Variants in SPIDR observed in about 807,000 individuals in gnomAD.
SPIDR encodes DNA repair-scaffolding protein.
A neutral mutation model predicts 104.6 loss-of-function variants in SPIDR; 93 were observed. The observed-to-expected ratio is 0.89, with a 90% confidence interval of 0.75 to 1.06. The LOEUF (loss-of-function observed/expected upper bound fraction) is 1.06. Among genes scored for constraint, SPIDR ranks in the 50% least tolerant of loss-of-function variants. The pLI is 0.00. For synonymous variants in SPIDR, 431 were observed against 416.9 expected, an observed-to-expected ratio of 1.03 and a Z score of -0.41; for missense variants, 1,154 against 1,111.2, an observed-to-expected ratio of 1.04 and a Z score of -0.55.
chr8:47,385,993 A>G (rs1554647993), intron 5 of SPIDR, among the ~76,000 whole-genome samples: 1 of 152,028 alleles, frequency 6.6e-6, no homozygotes, highest in Non-Finnish European at 1.5e-5. Flanking sequence ...TTAGTTCTTT[A>G]TAAAAATATT....
chr8:47,608,831 C>T (rs1345520732), intron 10 of SPIDR, among the ~76,000 whole-genome samples: 2 of 152,234 alleles, frequency 1.3e-5, no homozygotes, highest in East Asian at 3.8e-4. Context: ...CCAGGCGATT[C>T]TTCTGCCTCA....
intron 8 of SPIDR, among the ~76,000 whole-genome samples, chr8:47,469,009 G>C (rs1398291753): frequency 2.0e-5 from 3 of 152,040 alleles, no homozygotes; most frequent in Admixed American, 6.6e-5. Flanking sequence ...AAAACAAAAA[G>C]CCTCTTTAAA....
chr8:47,337,951 C>T (rs2154271854), intron 5 of SPIDR, among the ~76,000 whole-genome samples: 2 of 152,312 alleles, frequency 1.3e-5, no homozygotes, highest in Admixed American at 1.3e-4. Context: ...TGTCTATCCT[C>T]ATGTCAGTTT....
chr8:47,337,150 CAG>C (rs2049920484), intron 5 of SPIDR, among the ~76,000 whole-genome samples: 3 of 152,056 alleles, frequency 2.0e-5, no homozygotes, highest in African/African-American at 7.2e-5. Flanking sequence ...TTTTTTGAGA[CAG>C]AGTCTTGCTC....
At chr8:47,644,614 T>C (rs1394003836) in intron 10 of SPIDR, among the ~76,000 whole-genome samples, 1 of 152,218 alleles carries the variant, frequency 6.6e-6, no homozygotes, top group African/African-American at 2.4e-5. Flanking sequence ...TTCTCATTTG[T>C]AAAATGGAGG....
In SPIDR at chr8:47,357,865, A is replaced by G. The variant is rs1185382889; in HGVS notation, c.526-38511A>G. ...TTAATCGTCTAGTGTTTAAGGCCAC[A>G]TGAAGGTCAGTAAATGATACTGGAG... On this transcript the variant is annotated intron_variant, in intron 5 of 19. Transcript: ENST00000297423. 19 of 985,098 alleles carry G rather than the reference A, an allele frequency of 1.9e-5. 1 individual carries two copies. In the Admixed American group the frequency reaches 7.4e-4, roughly 38 times the overall value. 61.0% of individuals were successfully genotyped at this position (985,098 alleles called of 1,614,324 possible). A position where few individuals can be genotyped will look rare whatever the true frequency, so the allele number is the denominator to read the frequency against.
At chr8:47,515,345 C>G (rs1187658101) in intron 8 of SPIDR, among the ~76,000 whole-genome samples, 1 of 152,172 alleles carries the variant, frequency 6.6e-6, no homozygotes, top group Non-Finnish European at 1.5e-5. Context: ...TGTGTGTTCT[C>G]CAAACACTTA....
intron 8 of SPIDR, among the ~76,000 whole-genome samples, chr8:47,541,141 C>A (rs957185658): frequency 1.3e-5 from 2 of 152,252 alleles, no homozygotes; most frequent in South Asian, 4.1e-4. Context: ...ATTACAGGCA[C>A]GAGCCACTGC....
intron 5 of SPIDR, among the ~76,000 whole-genome samples, chr8:47,377,951 A>C (rs1223591024): frequency 6.6e-6 from 1 of 152,248 alleles, no homozygotes; most frequent in East Asian, 1.9e-4. Flanking sequence ...TTTATTCAGC[A>C]GTATCTTATC....
At chr8:47,349,782 C>T (rs899383444) in intron 5 of SPIDR, among the ~76,000 whole-genome samples, 7 of 152,334 alleles carry the variant, frequency 4.6e-5, no homozygotes, top group Non-Finnish European at 1.0e-4. Context: ...GAGCCCGGCG[C>T]GGGATGTAAT....
intron 17 of SPIDR, 127 bp downstream of exon 17, chr8:47,727,420 T>C: frequency 1.3e-6 from 1 of 785,318 alleles, no homozygotes; most frequent in East Asian, 2.7e-5. Context: ...CCTCTGCCTC[T>C]GCTGAGCAGC....
chr8:47,621,598 C>A (rs2065182902), intron 10 of SPIDR, among the ~76,000 whole-genome samples: 1 of 152,250 alleles, frequency 6.6e-6, no homozygotes, highest in Non-Finnish European at 1.5e-5. Context: ...CCAGGCCTCT[C>A]AGTGCCGTCT....
chr8:47,374,442 A>G (rs1227195943), intron 5 of SPIDR, among the ~76,000 whole-genome samples: 2 of 152,240 alleles, frequency 1.3e-5, no homozygotes, highest in Admixed American at 6.5e-5. Flanking sequence ...AAAAGTAATT[A>G]AACTTTATTG....
At chr8:47,354,161 T>C (rs1173421215) in intron 5 of SPIDR, among the ~76,000 whole-genome samples, 3 of 152,182 alleles carry the variant, frequency 2.0e-5, no homozygotes, top group African/African-American at 7.2e-5. Context: ...AAAGAAAATA[T>C]ATTCACAAAG....
intron 10 of SPIDR, among the ~76,000 whole-genome samples, chr8:47,604,703 T>G (rs2062729611): frequency 1.3e-5 from 2 of 152,110 alleles, no homozygotes; most frequent in East Asian, 1.9e-4. Context: ...GTTATTTAGT[T>G]GAAGGATGTT....
chr8:47,404,525 C>G (rs370941590), intron 6 of SPIDR, among the ~76,000 whole-genome samples: 6 of 152,094 alleles, frequency 3.9e-5, no homozygotes, highest in African/African-American at 1.2e-4. Context: ...ACAACCCAAT[C>G]AAAAAGTGGG....
Position 47,570,816 on chromosome 8 carries a change from G to T in SPIDR, c.1098-24995G>T, listed in dbSNP as rs538966677. Among the ~76,000 whole-genome samples, 11 of 152,290 alleles carry T rather than the reference G, an allele frequency of 7.2e-5. 1 individual carries two copies. Among genetic ancestry groups the T allele is most frequent in the African/African-American group, 2.2e-4 (9 of 41,562 alleles). On this transcript the variant is annotated intron_variant, in intron 8 of 19. Transcript: ENST00000297423. Reference sequence around the variant, plus strand: ...TGATTAAGATGAAAGGTTTTAGCCGGGTGTGGTGGCTCACGCCTATAATCC... The same window carrying T: ...TGATTAAGATGAAAGGTTTTAGCCGTGTGTGGTGGCTCACGCCTATAATCC...
At chr8:47,594,037 T>TG (rs138114287) in intron 8 of SPIDR, among the ~76,000 whole-genome samples, 3,904 of 151,788 alleles carry the variant, frequency 0.026, 127 homozygotes, top group East Asian at 0.092. Context: ...ATTGTCACAA[T>TG]GAGGGGAGTA....
At chr8:47,406,413 G>GTTACTTCAT (rs2062762871) in intron 6 of SPIDR, among the ~76,000 whole-genome samples, 1 of 152,024 alleles carries the variant, frequency 6.6e-6, no homozygotes, top group Non-Finnish European at 1.5e-5. Context: ...TGTGTAAAGG[G>GTTACTTCAT]GAAGCATAAA....
Sources: gnomAD v4.1 joint callset for allele counts (sites outside exome capture counted in the v4.1 genomes callset) on GRCh38, gnomAD v4.1.1 for gene constraint, MANE v1.5 for transcripts, NCBI Gene and HGNC (gene_info 2026-07-23, HGNC 2026-07-21) for gene names.